The following LPP variants were observed in gnomAD, a reference collection of about 807,000 sequenced individuals.
The protein encoded by LPP is lipoma-preferred partner.
A neutral mutation model predicts 60.4 loss-of-function variants in LPP; 38 were observed. The ratio of observed to expected loss-of-function variants is 0.63; its 90% CI spans 0.49 to 0.83. The LOEUF (loss-of-function observed/expected upper bound fraction) is 0.83. Ranked by LOEUF, LPP falls within the 40% of genes least tolerant of loss-of-function variation. The pLI is 0.00. For missense variants in LPP, 902 were observed against 783.6 expected, an observed-to-expected ratio of 1.15 and a Z score of -1.80; for synonymous variants, 328 against 290.8, an observed-to-expected ratio of 1.13 and a Z score of -1.30.
intron 2 of LPP, among the ~76,000 whole-genome samples, chr3:188,318,877 G>A (rs978741637): frequency 4.8e-5 from 7 of 146,518 alleles, no homozygotes; most frequent in African/African-American, 7.6e-5. Flanking sequence ...TCCTGCCTCA[G>A]CCTCCCAAGT....
At chr3:188,471,480 T>C (rs914699863) in intron 4 of LPP, among the ~76,000 whole-genome samples, 13 of 152,296 alleles carry the variant, frequency 8.5e-5, no homozygotes, top group African/African-American at 2.6e-4. Flanking sequence ...TTTGGTGTAA[T>C]TTAATATAGC....
intron 6 of LPP, among the ~76,000 whole-genome samples, chr3:188,607,417 A>ATATATATAT (rs71169012): frequency 8.0e-5 from 3 of 37,694 alleles, no homozygotes; most frequent in Non-Finnish European, 1.7e-4. Flanking sequence ...ATATATATAT[A>ATATATATAT]ATTTTTTTTT....
chr3:188,707,830 C>T (rs1478033480), intron 7 of LPP, among the ~76,000 whole-genome samples: 1 of 152,108 alleles, frequency 6.6e-6, no homozygotes, highest in Admixed American at 6.6e-5. Context: ...AAGTCCGTCG[C>T]GGGCTATGCG....
At chr3:188,163,729 G>T (rs1347945375) in intron 1 of LPP, among the ~76,000 whole-genome samples, 1 of 151,120 alleles carries the variant, frequency 6.6e-6, no homozygotes, top group Admixed American at 6.6e-5. Flanking sequence ...ATCACGTGAG[G>T]TCAGGAGTTT....
At chr3:188,734,225 T>C (rs1721689660) in intron 8 of LPP, among the ~76,000 whole-genome samples, 1 of 152,244 alleles carries the variant, frequency 6.6e-6, no homozygotes, top group African/African-American at 2.4e-5. Flanking sequence ...TTTTAAAATT[T>C]ATCATAAAGG....
intron 2 of LPP, among the ~76,000 whole-genome samples, chr3:188,326,841 G>A (rs887094815): frequency 6.6e-6 from 1 of 151,960 alleles, no homozygotes; most frequent in Admixed American, 6.6e-5. Context: ...TCTTAGTATT[G>A]TGAGGGCATT....
chr3:188,502,008 T>C (rs1420253738), intron 5 of LPP, among the ~76,000 whole-genome samples: 2 of 152,162 alleles, frequency 1.3e-5, no homozygotes, highest in African/African-American at 4.8e-5. Flanking sequence ...TTTTATCCCA[T>C]TGTGCTCAGA....
intron 2 of LPP, among the ~76,000 whole-genome samples, chr3:188,327,272 A>G (rs1758687253): frequency 6.6e-6 from 1 of 152,184 alleles, no homozygotes. Context: ...GCCTCTAATA[A>G]TATACGGTTA....
chr3:188,875,370 C>G lies in LPP; in HGVS notation c.*891C>G, dbSNP rs990031115. 1 of 217,950 alleles carries G rather than the reference C, an allele frequency of 4.6e-6. No individual in the cohort carries two copies. Among genetic ancestry groups the G allele is most frequent in the Non-Finnish European group, 9.2e-6 (1 of 108,474 alleles). The allele number at this position is 217,950 out of a possible 1,614,324, so 13.5% of individuals were successfully genotyped here. A position where few individuals can be genotyped will look rare whatever the true frequency, so the allele number is the denominator to read the frequency against. ...TTTTCAATACTGTCCCACTTCTCAT[C>G]TTAAAAATATTGTCATGTTTATTCT... On this transcript the variant is annotated 3_prime_UTR_variant, in exon 12 of 12. Coordinates refer to ENST00000617246, the MANE Select transcript of LPP (RefSeq NM_001375462.1).
intron 6 of LPP, among the ~76,000 whole-genome samples, chr3:188,550,294 A>G (rs938237218): frequency 1.3e-5 from 2 of 152,130 alleles, no homozygotes; most frequent in African/African-American, 4.8e-5. Context: ...ATGAAAAATC[A>G]AGGGCCAGGT....
chr3:188,631,703 T>A (rs1397880387), intron 7 of LPP, among the ~76,000 whole-genome samples: 21 of 152,156 alleles, frequency 1.4e-4, no homozygotes, highest in Admixed American at 1.4e-3. Context: ...TAATGACACG[T>A]GACTTCTGGT....
intron 1 of LPP, among the ~76,000 whole-genome samples, chr3:188,176,035 T>C (rs921898075): frequency 6.6e-6 from 1 of 152,010 alleles, no homozygotes; most frequent in African/African-American, 2.4e-5. Flanking sequence ...ATGGCAAAAT[T>C]GGGAGGAGTT....
At chr3:188,338,983 C>T (rs1762376071) in intron 2 of LPP, among the ~76,000 whole-genome samples, 1 of 152,054 alleles carries the variant, frequency 6.6e-6, no homozygotes. Context: ...TTTTTCTTTA[C>T]CCCCTGTTAT....
intron 7 of LPP, among the ~76,000 whole-genome samples, chr3:188,668,318 A>T (rs542360704): frequency 6.6e-6 from 1 of 152,306 alleles, no homozygotes; most frequent in Admixed American, 6.5e-5. Flanking sequence ...TGAACAATGT[A>T]CAATAGGAAA....
At chr3:188,266,766 A>G (rs894898218) in intron 2 of LPP, among the ~76,000 whole-genome samples, 3 of 152,168 alleles carry the variant, frequency 2.0e-5, no homozygotes, top group African/African-American at 7.2e-5. Context: ...CTCTCCAAGC[A>G]TTCCAGTTGC....
At chr3:188,665,254 C>T (rs1252105513) in intron 7 of LPP, among the ~76,000 whole-genome samples, 4 of 151,922 alleles carry the variant, frequency 2.6e-5, no homozygotes, top group African/African-American at 4.8e-5. Flanking sequence ...TTCAATACCC[C>T]GTAATACCCA....
intron 7 of LPP, among the ~76,000 whole-genome samples, chr3:188,670,115 A>G (rs1018852131): frequency 2.6e-5 from 4 of 152,130 alleles, no homozygotes; most frequent in Non-Finnish European, 5.9e-5. Context: ...GGTTGGGGAG[A>G]GGAGGGAGGG....
intron 5 of LPP, among the ~76,000 whole-genome samples, chr3:188,511,922 A>G (rs567749952): frequency 2.3e-4 from 35 of 152,180 alleles, no homozygotes; most frequent in African/African-American, 7.7e-4. Context: ...GGCTTGTAGG[A>G]TATTTCCTGT....
At chr3:188,489,970 C>G (rs981811181) in intron 5 of LPP, among the ~76,000 whole-genome samples, 10 of 152,132 alleles carry the variant, frequency 6.6e-5, no homozygotes, top group Non-Finnish European at 1.2e-4. Context: ...GCAAAATGGC[C>G]AGGCTTGCTA....
Sources: allele counts gnomAD v4.1 joint callset (sites outside exome capture counted in the v4.1 genomes callset), GRCh38; gene constraint gnomAD v4.1.1; transcripts MANE v1.5; gene names NCBI Gene and HGNC (gene_info 2026-07-23, HGNC 2026-07-21).